Variants in FAM50A observed in about 807,000 individuals in gnomAD.
The protein encoded by FAM50A is protein FAM50A.
In FAM50A, 6 loss-of-function variants were observed where a neutral mutation model predicts 35.5. That is an observed-to-expected ratio of 0.17 (90% CI 0.09 to 0.33). The LOEUF (loss-of-function observed/expected upper bound fraction) is 0.33. Ranked by LOEUF, FAM50A falls within the 10% of genes least tolerant of loss-of-function variation. The probability of loss-of-function intolerance (pLI) is 1.00; values close to 1 mark genes in which losing one functional copy is unlikely to be tolerated. For synonymous variants in FAM50A, 120 were observed against 110.9 expected (o/e 1.08, Z -0.52); for missense variants, 145 against 295.5 (o/e 0.49, Z 3.73).
chrX:154,445,554 T>C (rs1557199694), intron 1 of FAM50A, 79 bp from the exon 2 acceptor site: 48 of 787,230 alleles, frequency 6.1e-5, no homozygotes, highest in Non-Finnish European at 3.9e-5. Context: ...AGATTTGGAC[T>C]ATAACGCAGG....
At chrX:154,447,837 T>A (rs2068787913) in intron 4 of FAM50A, among the ~76,000 whole-genome samples, 2 of 110,461 alleles carry the variant, frequency 1.8e-5, no homozygotes, top group Admixed American at 1.9e-4. Flanking sequence ...CAAGCTGGTC[T>A]CGAACTTGGG....
chrX:154,449,106 C>A, intron 7 of FAM50A, 115 bp from the exon 8 acceptor site: 1 of 886,181 alleles, frequency 1.1e-6, no homozygotes, highest in South Asian at 2.2e-5. Flanking sequence ...GAGTGAGGCC[C>A]AGGCCTGGCT....
intron 4 of FAM50A, 87 bp from the exon 5 acceptor site, chrX:154,448,397 A>C: frequency 1.2e-6 from 1 of 811,095 alleles, no homozygotes; most frequent in Non-Finnish European, 1.9e-6. Context: ...GACTGTTCTC[A>C]AGGTATGCTT....
At position 154,449,578 on chromosome X, in the gene FAM50A, T is replaced by A. The variant is rs1455885939; in HGVS notation, c.726-103T>A. The A allele has an allele frequency of 4.1e-6, 3 of 723,848 alleles. No individual in the cohort carries two copies. In the African/African-American group the frequency reaches 6.3e-5, roughly 15 times the overall value. The allele number at this position is 723,848 out of a possible 1,213,427, so 59.7% of individuals were successfully genotyped here. ...GCTTCCCTCACAGCCAACTGGCCGC[T>A]GCTTCCCAGCCCCAGCATGGGCTCT... On this transcript the variant is annotated intron_variant, in intron 8 of 12. Coordinates refer to ENST00000393600, the MANE Select transcript of FAM50A (RefSeq NM_004699.4).
chrX:154,448,068 C>CTTTTTTTTTTT (rs782137009), intron 4 of FAM50A, among the ~76,000 whole-genome samples: 2 of 76,518 alleles, frequency 2.6e-5, no homozygotes, highest in African/African-American at 2.1e-4. Flanking sequence ...TCTTTTTTTT[C>CTTTTTTTTTTT]TTTCTTTTTT....
At chrX:154,446,242 C>T (rs2148232089) in intron 3 of FAM50A, 173 bp from the exon 4 acceptor site, 2 of 481,260 alleles carry the variant, frequency 4.2e-6, no homozygotes, top group South Asian at 3.1e-5. Context: ...ACAGAGCCCT[C>T]GCCCATGAGC....
At chrX:154,448,455 C>T (rs782594020) in intron 4 of FAM50A, 29 bp from the exon 5 acceptor site, 2 of 1,160,224 alleles carry the variant, frequency 1.7e-6, no homozygotes, top group South Asian at 3.6e-5. Flanking sequence ...TATAATAATG[C>T]TATGATATTC....
chrX:154,445,028 C>T (rs2068776704), intron 1 of FAM50A: 1 of 112,541 alleles, frequency 8.9e-6, no homozygotes, highest in South Asian at 3.7e-4. Flanking sequence ...GCCTGGGGAA[C>T]TGGGGAAGCC....
At chrX:154,447,112 A>G (rs1264427563) in intron 4 of FAM50A, among the ~76,000 whole-genome samples, 2 of 112,162 alleles carry the variant, frequency 1.8e-5, no homozygotes, top group Non-Finnish European at 3.8e-5. Flanking sequence ...CTTGGGGCCC[A>G]CCGGGCTAAC....
At chrX:154,447,571 A>G (rs1376109197) in intron 4 of FAM50A, among the ~76,000 whole-genome samples, 2 of 112,395 alleles carry the variant, frequency 1.8e-5, no homozygotes, top group African/African-American at 6.5e-5. Flanking sequence ...CGGCAGGCGC[A>G]CTAGCTGCAA....
chrX:154,449,943 C>T lies in FAM50A; in HGVS notation c.829+12C>T, dbSNP rs199854288. ...ACGGGGGAAGAGTGGTGAGTGCCGC[C>T]GACCCAGCCGCCCCCATAGCACCTT... On this transcript the variant is annotated intron_variant, in intron 10 of 12. Coordinates refer to ENST00000393600, the MANE Select transcript of FAM50A (RefSeq NM_004699.4). 2.1e-5 allele frequency: 25 copies of T among 1,208,889 alleles called. No homozygotes were observed. In the East Asian group the frequency reaches 3.3e-4, roughly 16 times the overall value.
intron 4 of FAM50A, among the ~76,000 whole-genome samples, chrX:154,447,422 T>A (rs1557199940): frequency 9.0e-6 from 1 of 110,829 alleles, no homozygotes; most frequent in African/African-American, 3.3e-5. Flanking sequence ...AGTGCAGGAT[T>A]GTAGGGAGGA....
intron 5 of FAM50A, 52 bp downstream of exon 5, chrX:154,448,612 C>T (rs1557200103): frequency 2.5e-6 from 3 of 1,185,954 alleles, no homozygotes; most frequent in Non-Finnish European, 2.3e-6. Context: ...CTGGTGGAGA[C>T]CCTTGCTTAG....
Position 154,446,545 on chromosome X carries a change from G to A in FAM50A, c.427G>A (p.Glu143Lys), listed in dbSNP as rs782017549. 112 of 1,171,799 alleles carry A rather than the reference G, an allele frequency of 9.6e-5. 1 individual carries two copies. The Admixed American group carries it at 2.7e-3, about 28-fold the overall frequency. ...AGAGGAGGCGGCCATGTATGAGGAG[G>A]AGATGGAAAGGGAAGGTGAGGGCTG... ...EEEEAAMYEE[E>K]MEREEITTKK... The change falls in exon 4 of 13, where the codon GAG (glutamate) becomes AAG (lysine). Residue 143 changes from glutamate to lysine, a missense_variant. By Grantham distance (56) the Glu-to-Lys change is moderately conservative (BLOSUM62 1). Coordinates refer to ENST00000393600, the MANE Select transcript of FAM50A (RefSeq NM_004699.4).
chrX:154,444,434 G>T lies in FAM50A; in HGVS notation c.111+88G>T, dbSNP rs1312417566. On this transcript the variant is annotated intron_variant, in intron 1 of 12. Transcript: ENST00000393600. The stretch of plus-strand genomic sequence containing the variant: ...CTCCGGCCCTGGAAGCCCTGGGGCG[G>T]TGGCCACGGAGCGCGGGCGGCGCGC... The T allele has an allele frequency of 7.6e-6, 4 of 527,583 alleles. No homozygotes were observed. In the South Asian group the frequency reaches 1.8e-4, roughly 23 times the overall value. 43.5% of individuals were successfully genotyped at this position (527,583 alleles called of 1,213,427 possible). A position where few individuals can be genotyped will look rare whatever the true frequency, so the allele number is the denominator to read the frequency against.
In FAM50A at chrX:154,450,323, A is replaced by C; in HGVS notation, c.1011+4A>C. ...AAAGAAGTGGGACAAGTACACGGTG[A>C]GGAGGGGCTGGCAGGGACCCCTCCA... On this transcript the variant is annotated splice_donor_region_variant and intron_variant, in intron 12 of 12. Coordinates refer to ENST00000393600, the MANE Select transcript of FAM50A (RefSeq NM_004699.4). 1 of 1,207,499 alleles carries C rather than the reference A, an allele frequency of 8.3e-7. No individual in the cohort carries two copies. The highest frequency in any genetic ancestry group is 1.1e-6 in the Non-Finnish European group (1 of 891,477).
chrX:154,446,862 T>C (rs1434758819), intron 4 of FAM50A, among the ~76,000 whole-genome samples: 2 of 112,383 alleles, frequency 1.8e-5, no homozygotes, highest in East Asian at 2.8e-4. Flanking sequence ...TCAGCGTAAA[T>C]GTATACAGCC....
intron 4 of FAM50A, among the ~76,000 whole-genome samples, chrX:154,448,072 C>CTT (rs781847663): frequency 0.012 from 1,019 of 82,854 alleles, 43 homozygotes; most frequent in African/African-American, 0.054. Context: ...TTTTTTCTTT[C>CTT]TTTTTTTTTT....
Position 154,444,177 on chromosome X carries a change from C to T in FAM50A, c.-59C>T. 4.9e-6 allele frequency: 2 copies of T among 405,551 alleles called. No homozygotes were observed. The highest frequency in any genetic ancestry group is 1.2e-4 in the South Asian group (1 of 8,342). 33.4% of individuals were successfully genotyped at this position (405,551 alleles called of 1,213,427 possible). A position where few individuals can be genotyped will look rare whatever the true frequency, so the allele number is the denominator to read the frequency against. ...CGGCCGCCACCGCCGCTGCCGCTGC[C>T]GCTGTCGCTGTCGCCGCCGCCGCCG... On this transcript the variant is annotated 5_prime_UTR_variant, in exon 1 of 13. Coordinates refer to ENST00000393600, the MANE Select transcript of FAM50A (RefSeq NM_004699.4).
Sources: allele counts gnomAD v4.1 joint callset (sites outside exome capture counted in the v4.1 genomes callset), GRCh38; gene constraint gnomAD v4.1.1; transcripts MANE v1.5; gene names NCBI Gene and HGNC (gene_info 2026-07-23, HGNC 2026-07-21).